VPS13B: variants seen among roughly 807,000 people sequenced by gnomAD.
VPS13B encodes the protein vacuolar protein sorting 13 homolog B.
Under a neutral mutation model 426.4 loss-of-function variants are expected in VPS13B, and 285 were observed. That is an observed-to-expected ratio of 0.67 (90% confidence interval 0.61 to 0.74). VPS13B has a LOEUF of 0.74. Among genes scored for constraint, VPS13B ranks in the 30% least tolerant of loss-of-function variants. VPS13B has a pLI of 0.00. For missense variants in VPS13B, 4,537 were observed against 4,782.6 expected (o/e 0.95, Z 1.51); for synonymous variants, 1,676 against 1,676.4 (o/e 1.00, Z 0.01).
chr8:99,228,643 C>G (rs1207722582), intron 17 of VPS13B, among the ~76,000 whole-genome samples: 1 of 150,702 alleles, frequency 6.6e-6, no homozygotes, highest in Non-Finnish European at 1.5e-5. Context: ...TTTTTTTAAA[C>G]TCACTTTTAG....
chr8:99,227,288 G>A (rs1325043960), intron 17 of VPS13B, among the ~76,000 whole-genome samples: 1 of 151,912 alleles, frequency 6.6e-6, no homozygotes, highest in African/African-American at 2.4e-5. Context: ...TCTTTCCTTG[G>A]TTATTTTCAA....
At chr8:99,277,173 GT>G (rs1288506907) in intron 19 of VPS13B, among the ~76,000 whole-genome samples, 1 of 151,958 alleles carries the variant, frequency 6.6e-6, no homozygotes, top group Non-Finnish European at 1.5e-5. Context: ...CAACATTAGT[GT>G]TATGGATAGT....
At chr8:99,436,622 T>C (rs1048243055) in intron 22 of VPS13B, among the ~76,000 whole-genome samples, 1 of 152,178 alleles carries the variant, frequency 6.6e-6, no homozygotes. Flanking sequence ...GTGTTAAACA[T>C]ACTATATATT....
intron 3 of VPS13B, among the ~76,000 whole-genome samples, chr8:99,075,363 G>A (rs934722391): frequency 5.9e-5 from 9 of 152,300 alleles, no homozygotes; most frequent in African/African-American, 2.2e-4. Context: ...CATGGTGAGA[G>A]CAGGAGCAAG....
chr8:99,835,650 T>C lies in VPS13B; in HGVS notation c.9854T>C (p.Leu3285Pro). 6.2e-7 allele frequency: 1 copy of C among 1,614,134 alleles called. No homozygotes were observed. ...CCGGACTGCAAGACCAAAGACTTAC[T>C]TCCAAGCCTACTTTTGAGAGTTGAA... ...SYPDCKTKDL[L>P]PSLLLRVEPL... The change falls in exon 54 of 62, where the codon CTT becomes CCT. Residue 3285 changes from leucine to proline, a missense_variant. This residue lies in a region of VPS13B where 4,311 missense variants were observed against 4,474.3 expected (regional missense o/e 0.96). Transcript: ENST00000357162.
At chr8:99,545,595 A>G (rs1338583979) in intron 30 of VPS13B, among the ~76,000 whole-genome samples, 1 of 152,140 alleles carries the variant, frequency 6.6e-6, no homozygotes, top group Admixed American at 6.5e-5. Flanking sequence ...TAGGTTACAT[A>G]GCCTCAATGC....
intron 61 of VPS13B, chr8:99,875,173 C>T: frequency 1.8e-6 from 1 of 552,242 alleles, no homozygotes; most frequent in Non-Finnish European, 3.2e-6. Context: ...GAATTTTATG[C>T]AACACCAAAT....
chr8:99,142,835 G>A lies in VPS13B; in HGVS notation c.1652-139G>A, dbSNP rs1810505036. 5.4e-6 allele frequency: 4 copies of A among 742,532 alleles called. No homozygotes were observed. The Admixed American group carries it at 1.2e-4, about 23-fold the overall frequency. 46.0% of individuals were successfully genotyped at this position (742,532 alleles called of 1,614,324 possible). A position where few individuals can be genotyped will look rare whatever the true frequency, so the allele number is the denominator to read the frequency against. ...TGCACAGAGAAATACAAATCAGCAG[G>A]GCTCTCTGTATGCAGCTGATTGGGA... On this transcript the variant is annotated intron_variant, in intron 12 of 61. Coordinates refer to ENST00000357162, the MANE Select transcript of VPS13B (RefSeq NM_152564.5).
chr8:99,298,438 G>A (rs999579953), intron 19 of VPS13B, among the ~76,000 whole-genome samples: 3 of 152,116 alleles, frequency 2.0e-5, no homozygotes, highest in Non-Finnish European at 2.9e-5. Flanking sequence ...CCGGTGAGCC[G>A]AGATGGTGTC....
intron 33 of VPS13B, among the ~76,000 whole-genome samples, chr8:99,594,350 A>G (rs1169542484): frequency 6.6e-6 from 1 of 151,928 alleles, no homozygotes; most frequent in East Asian, 1.9e-4. Context: ...TGAGATAATA[A>G]TAGTCTTCCC....
At chr8:99,750,805 TTACTTCTAATTTGGATGATTGGGG>T (rs764941289) in intron 39 of VPS13B, among the ~76,000 whole-genome samples, 43 of 152,264 alleles carry the variant, frequency 2.8e-4, no homozygotes, top group Non-Finnish European at 4.4e-4. Context: ...AATTCAGAAA[TTACTTCTAATTTGGATGATTGGGG>T]AGGGCTGTTT....
chr8:99,453,021 CTT>C (rs1282652146), intron 23 of VPS13B, among the ~76,000 whole-genome samples: 2 of 152,132 alleles, frequency 1.3e-5, no homozygotes, highest in Non-Finnish European at 2.9e-5. Flanking sequence ...TTGCCTGTGA[CTT>C]TTATAAAATA....
At chr8:99,248,352 T>C (rs1351362913) in intron 17 of VPS13B, among the ~76,000 whole-genome samples, 2 of 152,154 alleles carry the variant, frequency 1.3e-5, no homozygotes, top group East Asian at 1.9e-4. Flanking sequence ...TATAGAAATA[T>C]ATATATCTGC....
intron 8 of VPS13B, among the ~76,000 whole-genome samples, chr8:99,125,107 A>G (rs1439517979): frequency 6.6e-6 from 1 of 152,188 alleles, no homozygotes; most frequent in Non-Finnish European, 1.5e-5. Flanking sequence ...GTAAAGTCCC[A>G]TGATAGGCCG....
At chr8:99,638,290 A>G (rs1829151540) in intron 33 of VPS13B, among the ~76,000 whole-genome samples, 2 of 152,080 alleles carry the variant, frequency 1.3e-5, no homozygotes, top group Admixed American at 1.3e-4. Flanking sequence ...CTATTGATCA[A>G]TCTCTATAAA....
intron 57 of VPS13B, 58 bp downstream of exon 57, chr8:99,859,538 T>TC: frequency 6.9e-7 from 1 of 1,448,798 alleles, no homozygotes. Context: ...TTTTTTTTTT[T>TC]AAAGAATGTG....
chr8:99,479,395 T>C (rs187740330), intron 24 of VPS13B, among the ~76,000 whole-genome samples: 1 of 152,322 alleles, frequency 6.6e-6, no homozygotes, highest in East Asian at 1.9e-4. Flanking sequence ...TCAGACACCT[T>C]CATACAGAAC....
chr8:99,610,477 T>A (rs563052286), intron 33 of VPS13B, among the ~76,000 whole-genome samples: 24 of 150,992 alleles, frequency 1.6e-4, no homozygotes, highest in Non-Finnish European at 2.8e-4. Context: ...CTCAGCAAAC[T>A]AACACAGGAA....
intron 26 of VPS13B, 62 bp downstream of exon 26, chr8:99,501,920 C>G: frequency 1.4e-6 from 2 of 1,451,450 alleles, no homozygotes; most frequent in East Asian, 2.4e-5. Context: ...CCCTCCCTCC[C>G]TCCCTCCCTT....
Sources: allele counts gnomAD v4.1 joint callset (sites outside exome capture counted in the v4.1 genomes callset), GRCh38; gene constraint gnomAD v4.1.1; regional missense constraint gnomAD v4.1.1; transcripts MANE v1.5; gene names NCBI Gene and HGNC (gene_info 2026-07-23, HGNC 2026-07-21).